Variants in MFN1 observed in about 807,000 individuals in gnomAD.
MFN1 encodes the protein mitofusin 1.
MFN1 carries 65 observed loss-of-function variants against 92.4 expected under a neutral mutation model. That is an observed-to-expected ratio of 0.70 (90% CI 0.58 to 0.86). The LOEUF is 0.86. Among genes scored for constraint, MFN1 ranks in the 40% least tolerant of loss-of-function variants. The pLI, the probability that MFN1 is intolerant of heterozygous loss-of-function variation, is 0.00. For missense variants in MFN1, 781 were observed against 868.0 expected, an observed-to-expected ratio of 0.90 and a Z score of 1.26; for synonymous variants, 297 against 300.9, an observed-to-expected ratio of 0.99 and a Z score of 0.13.
At chr3:179,377,674 C>T (rs942611515) in intron 12 of MFN1, among the ~76,000 whole-genome samples, 1 of 152,138 alleles carries the variant, frequency 6.6e-6, no homozygotes, top group Non-Finnish European at 1.5e-5. Context: ...TGGCTCATGC[C>T]TGTAATCTCA....
chr3:179,382,943 A>G (rs1417208979), intron 14 of MFN1, among the ~76,000 whole-genome samples: 2 of 151,874 alleles, frequency 1.3e-5, no homozygotes, highest in African/African-American at 4.8e-5. Context: ...AATTTGTTTG[A>G]GTTCTCTGTA....
At chr3:179,360,373 A>G (rs73883508) in intron 4 of MFN1, among the ~76,000 whole-genome samples, 5,142 of 152,262 alleles carry the variant, frequency 0.034, 282 homozygotes, top group African/African-American at 0.11. Context: ...AGAATTGCTT[A>G]AGAAATTGGG....
chr3:179,347,773 C>G lies in MFN1; in HGVS notation c.-45C>G, dbSNP rs1323347492. 6.6e-6 allele frequency: 1 copy of G among 152,362 alleles called. No individual in the cohort carries two copies. The highest frequency in any genetic ancestry group is 1.5e-5 in the Non-Finnish European group (1 of 68,154). The allele number at this position is 152,362 out of a possible 1,614,324, so 9.4% of individuals were successfully genotyped here. A position where few individuals can be genotyped will look rare whatever the true frequency, so the allele number is the denominator to read the frequency against. On this transcript the variant is annotated 5_prime_UTR_variant, in exon 1 of 18. Transcript: ENST00000471841. ...GATGAGGCAGTTTGGCATCTGTGGCCGAGTTGCTGTTGCCGGGTGATAGTT... is the reference window on the plus strand; with the variant it reads ...GATGAGGCAGTTTGGCATCTGTGGCGGAGTTGCTGTTGCCGGGTGATAGTT...
At chr3:179,350,976 T>G (rs1276245077) in intron 2 of MFN1, among the ~76,000 whole-genome samples, 1 of 152,174 alleles carries the variant, frequency 6.6e-6, no homozygotes, top group Non-Finnish European at 1.5e-5. Flanking sequence ...AGCTAATTTT[T>G]GTACTTTTAG....
chr3:179,384,517 A>G (rs1228043202), intron 14 of MFN1, among the ~76,000 whole-genome samples: 1 of 152,034 alleles, frequency 6.6e-6, no homozygotes, highest in Non-Finnish European at 1.5e-5. Flanking sequence ...GAGTTGCAGG[A>G]TTTCTTTGCA....
At chr3:179,357,703 A>G (rs1208341887) in intron 3 of MFN1, among the ~76,000 whole-genome samples, 1 of 152,200 alleles carries the variant, frequency 6.6e-6, no homozygotes, top group Non-Finnish European at 1.5e-5. Flanking sequence ...AGAGCCATCA[A>G]AAGTGTCCTT....
intron 12 of MFN1, among the ~76,000 whole-genome samples, chr3:179,377,932 C>T (rs912519570): frequency 3.9e-5 from 6 of 151,930 alleles, no homozygotes; most frequent in African/African-American, 7.3e-5. Flanking sequence ...CGGTGGCAGG[C>T]GCCTGTAATA....
chr3:179,361,484 A>G (rs1420305749), intron 4 of MFN1, among the ~76,000 whole-genome samples: 1 of 151,182 alleles, frequency 6.6e-6, no homozygotes, highest in African/African-American at 2.4e-5. Context: ...AGTAGCTCCC[A>G]GTGTTTATTG....
At chr3:179,375,143 G>T in intron 9 of MFN1, 77 bp from the exon 10 acceptor site, 1 of 1,420,196 alleles carries the variant, frequency 7.0e-7, no homozygotes, top group South Asian at 1.5e-5. Flanking sequence ...GTTACAAACA[G>T]CAAGTTTTTG....
chr3:179,385,146 C>T (rs943490503), intron 14 of MFN1, among the ~76,000 whole-genome samples: 1 of 151,402 alleles, frequency 6.6e-6, no homozygotes, highest in Non-Finnish European at 1.5e-5. Flanking sequence ...ATCTCCTGAC[C>T]TCGAGATCCA....
intron 16 of MFN1, among the ~76,000 whole-genome samples, chr3:179,386,967 G>T (rs1560201686): frequency 6.6e-6 from 1 of 152,044 alleles, no homozygotes; most frequent in Non-Finnish European, 1.5e-5. Flanking sequence ...GCCCAGGCTG[G>T]AGGGCAGTGG....
chr3:179,348,774 C>T, intron 1 of MFN1, 71 bp from the exon 2 acceptor site: 3 of 1,557,158 alleles, frequency 1.9e-6, no homozygotes, highest in East Asian at 2.3e-5. Context: ...ATGAATGTCA[C>T]TGGTGTGTCA....
chr3:179,386,223 G>T (rs1022278204), intron 15 of MFN1, among the ~76,000 whole-genome samples: 5 of 152,094 alleles, frequency 3.3e-5, no homozygotes, highest in African/African-American at 1.2e-4. Flanking sequence ...GATAAGTCTG[G>T]CAGCTTATAA....
At chr3:179,364,923 A>C (rs1712725651) in intron 6 of MFN1, among the ~76,000 whole-genome samples, 195 bp from the exon 7 acceptor site, 1 of 152,262 alleles carries the variant, frequency 6.6e-6, no homozygotes, top group Non-Finnish European at 1.5e-5. Context: ...TCTAATATTC[A>C]AAATTATAAC....
intron 16 of MFN1, among the ~76,000 whole-genome samples, chr3:179,387,507 C>T (rs749276515): frequency 9.3e-5 from 14 of 151,048 alleles, no homozygotes; most frequent in Non-Finnish European, 1.8e-4. Flanking sequence ...GATCACATCA[C>T]TGAACTCCAG....
intron 2 of MFN1, among the ~76,000 whole-genome samples, chr3:179,351,163 T>G (rs922167487): frequency 1.3e-5 from 2 of 152,320 alleles, no homozygotes; most frequent in Non-Finnish European, 1.5e-5. Flanking sequence ...TCAGGTTATC[T>G]CCTATTCCTG....
rs1713973558 is a variant in MFN1, at chr3:179,393,149, T to TC, written c.*1092dup. On this transcript the variant is annotated 3_prime_UTR_variant, in exon 18 of 18. Coordinates refer to ENST00000471841, the MANE Select transcript of MFN1 (RefSeq NM_033540.3). ...ATAAATATAACATTTACAAAATTCT[T>TC]CCTTGAGCTGGTGGAAATGCCTCAC... 1 of 152,198 alleles carries TC rather than the reference T, an allele frequency of 6.6e-6. No homozygotes were observed. The highest frequency in any genetic ancestry group is 6.5e-5 in the Admixed American group (1 of 15,280). The allele number at this position is 152,198 out of a possible 1,614,324, so 9.4% of individuals were successfully genotyped here. A position where few individuals can be genotyped will look rare whatever the true frequency, so the allele number is the denominator to read the frequency against.
rs1334449495 is a variant in MFN1, at chr3:179,392,358, A to G, written c.*299A>G. The stretch of plus-strand genomic sequence containing the variant: ...GCTGTGAGCTCTTAATTTGTTTTTG[A>G]TTCTGAAAAACTCTGCTTCCTGGCA... On this transcript the variant is annotated 3_prime_UTR_variant, in exon 18 of 18. Transcript: ENST00000471841. 1 of 211,038 alleles carries G rather than the reference A, an allele frequency of 4.7e-6. No homozygotes were observed. Among genetic ancestry groups the G allele is most frequent in the Non-Finnish European group, 9.3e-6 (1 of 107,402 alleles). The allele number at this position is 211,038 out of a possible 1,614,324, so 13.1% of individuals were successfully genotyped here. A position where few individuals can be genotyped will look rare whatever the true frequency, so the allele number is the denominator to read the frequency against.
chr3:179,349,407 A>G (rs1486657802), intron 2 of MFN1, among the ~76,000 whole-genome samples: 1 of 152,198 alleles, frequency 6.6e-6, no homozygotes, highest in African/African-American at 2.4e-5. Flanking sequence ...CCTCAGACAT[A>G]TCTCATTCTC....
Sources: allele counts gnomAD v4.1 joint callset (sites outside exome capture counted in the v4.1 genomes callset), GRCh38; gene constraint gnomAD v4.1.1; transcripts MANE v1.5; gene names NCBI Gene and HGNC (gene_info 2026-07-23, HGNC 2026-07-21).